ZNF93: variants seen among roughly 807,000 people sequenced by gnomAD.
ZNF93 encodes the protein zinc finger protein 505.
In ZNF93, 29 loss-of-function variants were observed where a neutral mutation model predicts 45.0. That is an observed-to-expected ratio of 0.64 (90% CI 0.48 to 0.88). ZNF93 has a LOEUF of 0.88. Among genes scored for constraint, ZNF93 ranks in the 40% least tolerant of loss-of-function variants. The pLI is 0.00. For synonymous variants in ZNF93, 223 were observed against 244.6 expected (o/e 0.91, Z 0.82); for missense variants, 578 against 724.0 (o/e 0.80, Z 2.31).
chr19:19,916,140 T>C (rs1018452840), intron 2 of ZNF93, among the ~76,000 whole-genome samples: 76 of 151,496 alleles, frequency 5.0e-4, no homozygotes, highest in Non-Finnish European at 1.0e-3. Flanking sequence ...GATCTTGGCT[T>C]ACTGCAACCT....
chr19:19,905,807 G>A (rs1213150019), intron 1 of ZNF93, among the ~76,000 whole-genome samples: 1 of 151,788 alleles, frequency 6.6e-6, no homozygotes, highest in Non-Finnish European at 1.5e-5. Flanking sequence ...TGCCAGGCTG[G>A]TCTCAAACTT....
intron 3 of ZNF93, among the ~76,000 whole-genome samples, chr19:19,929,044 G>A (rs780410599): frequency 1.3e-5 from 2 of 152,010 alleles, no homozygotes; most frequent in Non-Finnish European, 2.9e-5. Flanking sequence ...GTCATTGGGG[G>A]CAAATTTCTC....
rs1011934768 is a variant in ZNF93, at chr19:19,902,787, A to G, written c.3+1696A>G. ...AGTCTCGCTCTGTCGCCCAGGCTGG[A>G]GTGCAGTGGTGCGATCTCGACTCAC... On this transcript the variant is annotated intron_variant, in intron 1 of 3. Transcript: ENST00000343769. Among the ~76,000 whole-genome samples the G allele has an allele frequency of 4.2e-5, 6 of 144,468 alleles. 1 individual carries two copies. The highest frequency in any genetic ancestry group is 4.4e-4 in the South Asian group (2 of 4,528). 94.8% of individuals were successfully genotyped at this position (144,468 alleles called of 152,430 possible). A position where few individuals can be genotyped will look rare whatever the true frequency, so the allele number is the denominator to read the frequency against.
chr19:19,934,571 G>A lies in ZNF93; in HGVS notation c.1616G>A (p.Cys539Tyr). Residue 539 changes from cysteine to tyrosine, a missense_variant, in exon 4 of 4, where the codon TGT becomes TAT. Physicochemically the swap from Cys to Tyr is radical, Grantham distance 194 (BLOSUM62 -2). Coordinates refer to ENST00000343769, the MANE Select transcript of ZNF93 (RefSeq NM_031218.4). Reference sequence around the variant, plus strand: ...CATACTAGAGAGAAACCCTACAAATGTGAAGAATGTGGCAAAGCTTTTCAC... The same window carrying A: ...CATACTAGAGAGAAACCCTACAAATATGAAGAATGTGGCAAAGCTTTTCAC... ...KIHTREKPYK[C>Y]EECGKAFHLS... The A allele has an allele frequency of 1.2e-6, 2 of 1,613,668 alleles. No homozygotes were observed. Among genetic ancestry groups the A allele is most frequent in the Non-Finnish European group, 1.7e-6 (2 of 1,180,004 alleles).
intron 3 of ZNF93, among the ~76,000 whole-genome samples, chr19:19,929,954 A>G (rs2063368204): frequency 6.6e-6 from 1 of 150,528 alleles, no homozygotes; most frequent in Admixed American, 6.6e-5. Context: ...AAAAAAAAAA[A>G]AAAAAAAAGA....
intron 1 of ZNF93, among the ~76,000 whole-genome samples, chr19:19,912,217 T>G (rs574894664): frequency 6.6e-6 from 1 of 152,184 alleles, no homozygotes; most frequent in Non-Finnish European, 1.5e-5. Flanking sequence ...GGGATTTAAG[T>G]TTCTTTTAGG....
intron 3 of ZNF93, among the ~76,000 whole-genome samples, chr19:19,929,988 A>T (rs1472887605): frequency 6.6e-6 from 1 of 151,358 alleles, no homozygotes; most frequent in Non-Finnish European, 1.5e-5. Context: ...AAGACACAAG[A>T]CAAAGAGATA....
At chr19:19,930,424 T>C (rs2063370093) in intron 3 of ZNF93, among the ~76,000 whole-genome samples, 1 of 152,000 alleles carries the variant, frequency 6.6e-6, no homozygotes, top group Admixed American at 6.5e-5. Flanking sequence ...TGTCAGGCCC[T>C]CCACAAGAGG....
chr19:19,916,311 C>T (rs145439385), intron 2 of ZNF93, among the ~76,000 whole-genome samples: 154 of 152,238 alleles, frequency 1.0e-3, no homozygotes, highest in African/African-American at 3.2e-3. Flanking sequence ...GTGATCCGCC[C>T]GCCTTGGCCT....
chr19:19,930,575 G>A (rs901227989), intron 3 of ZNF93, among the ~76,000 whole-genome samples: 3 of 140,298 alleles, frequency 2.1e-5, no homozygotes, highest in Non-Finnish European at 3.0e-5. Flanking sequence ...CTTCCCAGAC[G>A]CTGGCATTAC....
Position 19,933,492 on chromosome 19 carries a change from C to G in ZNF93, c.537C>G (p.Gly179=). The G allele has an allele frequency of 6.2e-7, 1 of 1,606,650 alleles. No individual in the cohort carries two copies. ...AACCTTTCAAATGCATAGAATGTGG[C>G]AAAGCTTTTAACCAGTTCTCAACCC... ...EKKPFKCIEC[G]KAFNQFSTLI... Residue 179 remains glycine (G), a synonymous_variant, in exon 4 of 4, where the codon GGC becomes GGG. Transcript: ENST00000343769.
At chr19:19,930,974 T>C (rs544319376) in intron 3 of ZNF93, among the ~76,000 whole-genome samples, 2 of 152,108 alleles carry the variant, frequency 1.3e-5, no homozygotes, top group South Asian at 4.1e-4. Context: ...AATATAATTA[T>C]GACCACCTTA....
intron 3 of ZNF93, among the ~76,000 whole-genome samples, chr19:19,923,901 C>T (rs910633924): frequency 2.0e-5 from 3 of 152,180 alleles, no homozygotes; most frequent in Non-Finnish European, 2.9e-5. Context: ...TCGGCTCACA[C>T]TTGGTGTGCT....
At chr19:19,927,542 T>G (rs1244969950) in intron 3 of ZNF93, among the ~76,000 whole-genome samples, 1 of 152,212 alleles carries the variant, frequency 6.6e-6, no homozygotes, top group African/African-American at 2.4e-5. Context: ...TTTGACTACT[T>G]AAGATATCTC....
rs1467895561 is a variant in ZNF93, at chr19:19,915,424, A to G, written c.130+18A>G. ...CTTCCTTGGTGAGGATAACTTTAAT[A>G]CATAATTCATAATACACCCTAAAGG... On this transcript the variant is annotated intron_variant, in intron 2 of 3. Coordinates refer to ENST00000343769, the MANE Select transcript of ZNF93 (RefSeq NM_031218.4). 13 of 1,608,772 alleles carry G rather than the reference A, an allele frequency of 8.1e-6. No homozygotes were observed. The highest frequency in any genetic ancestry group is 1.3e-5 in the African/African-American group (1 of 74,610).
intron 3 of ZNF93, among the ~76,000 whole-genome samples, chr19:19,927,810 G>A (rs2063360683): frequency 6.6e-6 from 1 of 152,182 alleles, no homozygotes; most frequent in South Asian, 2.1e-4. Flanking sequence ...GTGCAGTGGT[G>A]CAATCTCAGC....
intron 3 of ZNF93, among the ~76,000 whole-genome samples, chr19:19,917,346 T>C (rs1170198750): frequency 6.6e-6 from 1 of 152,080 alleles, no homozygotes; most frequent in Non-Finnish European, 1.5e-5. Flanking sequence ...CTTCAAGTTA[T>C]AGACATAAAA....
intron 3 of ZNF93, among the ~76,000 whole-genome samples, chr19:19,919,791 T>G (rs562792069): frequency 2.0e-5 from 3 of 152,318 alleles, no homozygotes; most frequent in African/African-American, 4.8e-5. Context: ...TGTGATTTTT[T>G]CACATTGATT....
chr19:19,934,977 C>A lies in ZNF93; in HGVS notation c.*159C>A. ...CCTGGAGGAAGTGGCCCATTTACAGCCATGTAGGCAGGCCTGCAGACCTTG... is the reference window on the plus strand; with the variant it reads ...CCTGGAGGAAGTGGCCCATTTACAGACATGTAGGCAGGCCTGCAGACCTTG... On this transcript the variant is annotated 3_prime_UTR_variant, in exon 4 of 4. Transcript: ENST00000343769. 1 of 772,816 alleles carries A rather than the reference C, an allele frequency of 1.3e-6. No individual in the cohort carries two copies. The highest frequency in any genetic ancestry group is 2.0e-6 in the Non-Finnish European group (1 of 500,326). The allele number at this position is 772,816 out of a possible 1,614,324, so 47.9% of individuals were successfully genotyped here. A position where few individuals can be genotyped will look rare whatever the true frequency, so the allele number is the denominator to read the frequency against.
Sources: gnomAD v4.1 joint callset for allele counts (sites outside exome capture counted in the v4.1 genomes callset) on GRCh38, gnomAD v4.1.1 for gene constraint, MANE v1.5 for transcripts, NCBI Gene and HGNC (gene_info 2026-07-23, HGNC 2026-07-21) for gene names.